AKAP7: variants seen among roughly 807,000 people sequenced by gnomAD.
The protein encoded by AKAP7 is A-kinase anchoring protein 7, also known as A kinase (PRKA) anchor protein 7.
A neutral mutation model predicts 39.5 loss-of-function variants in AKAP7; 39 were observed. The ratio of observed to expected loss-of-function variants is 0.99; its 90% confidence interval spans 0.76 to 1.29. The LOEUF (loss-of-function observed/expected upper bound fraction) is 1.29, where lower values mean the gene tolerates loss of function less well. AKAP7 is among the 50% of genes most tolerant of loss of function. The pLI, the probability that AKAP7 is intolerant of heterozygous loss-of-function variation, is 0.00. For missense variants in AKAP7, 414 were observed against 407.7 expected, an observed-to-expected ratio of 1.02 and a Z score of -0.13; for synonymous variants, 140 against 139.1, an observed-to-expected ratio of 1.01 and a Z score of -0.05.
chr6:131,139,627 A>AGT (rs60128964), intron 1 of AKAP7, among the ~76,000 whole-genome samples: 23,579 of 152,138 alleles, frequency 0.15, 2,176 homozygotes, highest in Middle Eastern at 0.25. Flanking sequence ...ACTAGCTACT[A>AGT]GTGACTTACT....
intron 7 of AKAP7, among the ~76,000 whole-genome samples, chr6:131,241,577 A>ATATGTGTGTGTGTGTGTG (rs1349874555): frequency 1.2e-5 from 1 of 81,248 alleles, no homozygotes; most frequent in African/African-American, 5.3e-5. Flanking sequence ...GATTATATAT[A>ATATGTGTGTGTGTGTGTG]TGTGTGTGTG....
chr6:131,232,903 T>A (rs1810744480), intron 7 of AKAP7, among the ~76,000 whole-genome samples: 1 of 150,378 alleles, frequency 6.6e-6, no homozygotes, highest in African/African-American at 2.4e-5. Context: ...TTTCTATTAT[T>A]TATTATTATT....
chr6:131,263,893 A>G (rs1283500701), intron 7 of AKAP7, among the ~76,000 whole-genome samples: 2 of 152,176 alleles, frequency 1.3e-5, no homozygotes, highest in African/African-American at 2.4e-5. Context: ...GCTCTTGGCA[A>G]TGAGAACCAC....
chr6:131,247,376 A>C (rs1367982313), intron 7 of AKAP7, among the ~76,000 whole-genome samples: 1 of 129,076 alleles, frequency 7.7e-6, no homozygotes. Flanking sequence ...CCCAGGCTGG[A>C]GTGCAGTGGC....
intron 6 of AKAP7, among the ~76,000 whole-genome samples, chr6:131,216,420 A>G (rs548378043): frequency 2.2e-4 from 33 of 152,348 alleles, no homozygotes; most frequent in African/African-American, 7.9e-4. Context: ...AGATTGAGCC[A>G]TCAGATGATT....
chr6:131,218,154 A>G (rs1056891274), intron 6 of AKAP7, among the ~76,000 whole-genome samples: 2 of 152,162 alleles, frequency 1.3e-5, no homozygotes, highest in Non-Finnish European at 2.9e-5. Flanking sequence ...TTAGGAGTCC[A>G]GTTTTAGACA....
upstream of AKAP7, among the ~76,000 whole-genome samples, chr6:131,130,965 G>GA (rs1166830643): frequency 6.6e-6 from 1 of 152,086 alleles, no homozygotes; most frequent in Non-Finnish European, 1.5e-5. Flanking sequence ...TTTTAAAAAA[G>GA]AAAAAACATT....
chr6:131,204,147 T>G (rs967936019), intron 6 of AKAP7, among the ~76,000 whole-genome samples: 4 of 152,086 alleles, frequency 2.6e-5, no homozygotes, highest in Non-Finnish European at 5.9e-5. Context: ...ATGTTAAAAA[T>G]CTCATTTTCT....
the AKAP7 span, among the ~76,000 whole-genome samples, chr6:131,125,977 G>A: frequency 6.6e-6 from 1 of 152,144 alleles, no homozygotes; most frequent in Non-Finnish European, 1.5e-5. Flanking sequence ...GTCTGGCAGT[G>A]GACTTGGAGG....
rs375326256 is a variant in AKAP7 at position 131,186,291 on chromosome 6, C to A, written c.590-13170C>A. ...GCTCCCACCCTGTGAGATGCCCGCT[C>A]CCCTGTGCCTTCTGCCATGGATTGT... On this transcript the variant is annotated intron_variant, in intron 5 of 7. Coordinates refer to ENST00000431975, the MANE Select transcript of AKAP7 (RefSeq NM_016377.4). Among the ~76,000 whole-genome samples, 4 of 152,240 alleles carry A rather than the reference C, an allele frequency of 2.6e-5. No homozygotes were observed. In the East Asian group the frequency reaches 5.8e-4, roughly 22 times the overall value.
intron 1 of AKAP7, among the ~76,000 whole-genome samples, chr6:131,139,782 G>A (rs1043487554): frequency 3.9e-5 from 6 of 152,212 alleles, no homozygotes; most frequent in Admixed American, 3.9e-4. Context: ...CTTCGACTAT[G>A]GTGACGACAC....
At chr6:131,146,227 A>G (rs1193788089) in intron 2 of AKAP7, among the ~76,000 whole-genome samples, 1 of 152,232 alleles carries the variant, frequency 6.6e-6, no homozygotes, top group Non-Finnish European at 1.5e-5. Context: ...GTATTGGATC[A>G]ATTCAGTCTT....
At chr6:131,168,201 T>C (rs1886074) in intron 4 of AKAP7, among the ~76,000 whole-genome samples, 94,638 of 151,948 alleles carry the variant, frequency 0.62, 30,033 homozygotes, top group East Asian at 0.95. Flanking sequence ...CACTTGAGCC[T>C]GGGAGTTTGA....
At chr6:131,189,849 T>TA (rs772353296) in intron 5 of AKAP7, among the ~76,000 whole-genome samples, 4 of 152,222 alleles carry the variant, frequency 2.6e-5, no homozygotes, top group Non-Finnish European at 5.9e-5. Context: ...GAGGCACCCT[T>TA]ACCTGACTTT....
intron 7 of AKAP7, among the ~76,000 whole-genome samples, chr6:131,237,895 CT>C (rs1310979408): frequency 6.6e-6 from 1 of 152,064 alleles, no homozygotes; most frequent in Non-Finnish European, 1.5e-5. Context: ...GTTTTTGTGT[CT>C]CTATTTCCTT....
Position 131,282,704 on chromosome 6 carries a change from C to A in AKAP7, c.*978C>A. ...AAAGAAGTTTCTGATAGTGTCTGCA[C>A]AACAGCAAACCAACATTTGGTGAGG... On this transcript the variant is annotated 3_prime_UTR_variant, in exon 8 of 8. Coordinates refer to ENST00000431975, the MANE Select transcript of AKAP7 (RefSeq NM_016377.4). 1 of 919,096 alleles carries A rather than the reference C, an allele frequency of 1.1e-6. No homozygotes were observed. The highest frequency in any genetic ancestry group is 1.5e-6 in the Non-Finnish European group (1 of 654,270). 56.9% of individuals were successfully genotyped at this position (919,096 alleles called of 1,614,324 possible).
In AKAP7 at chr6:131,273,027, T is replaced by C. The variant is rs1575347; in HGVS notation, c.851-8503T>C. Among the ~76,000 whole-genome samples the C allele has an allele frequency of 4.8e-3, 728 of 152,324 alleles. 9 individuals carry two copies. The highest frequency in any genetic ancestry group is 0.017 in the African/African-American group (689 of 41,582). ...GCTTTGATGCTCTTGTTAAGAGGCATATATGCATTTAGGATTTTTACGCCC... is the reference window on the plus strand; with the variant it reads ...GCTTTGATGCTCTTGTTAAGAGGCACATATGCATTTAGGATTTTTACGCCC... On this transcript the variant is annotated intron_variant, in intron 7 of 7. Coordinates refer to ENST00000431975, the MANE Select transcript of AKAP7 (RefSeq NM_016377.4).
intron 1 of AKAP7, among the ~76,000 whole-genome samples, chr6:131,141,574 G>C (rs1041423502): frequency 7.9e-5 from 12 of 152,312 alleles, no homozygotes; most frequent in Admixed American, 2.6e-4. Flanking sequence ...GGTGGAAGTG[G>C]CTTTGGAACT....
intron 6 of AKAP7, among the ~76,000 whole-genome samples, chr6:131,217,658 A>C (rs1234186975): frequency 1.3e-5 from 2 of 152,206 alleles, no homozygotes; most frequent in African/African-American, 2.4e-5. Context: ...CATCTGTGAA[A>C]AATTCTTGCA....
Sources: allele counts gnomAD v4.1 joint callset (sites outside exome capture counted in the v4.1 genomes callset), GRCh38; gene constraint gnomAD v4.1.1; transcripts MANE v1.5; gene names NCBI Gene and HGNC (gene_info 2026-07-23, HGNC 2026-07-21).